The following NAV1 variants were observed in gnomAD, a reference collection of about 807,000 sequenced individuals.
NAV1 encodes the protein neuron navigator 1.
A neutral mutation model predicts 175.2 loss-of-function variants in NAV1; 18 were observed. The ratio of observed to expected loss-of-function variants is 0.10; its 90% CI spans 0.07 to 0.15. NAV1 has a LOEUF of 0.15. NAV1 is among the 10% of genes least tolerant of loss of function. The pLI, the probability that NAV1 is intolerant of heterozygous loss-of-function variation, is 1.00. For missense variants in NAV1, 1,731 were observed against 2,436.6 expected (o/e 0.71, Z 6.10); for synonymous variants, 897 against 978.7 (o/e 0.92, Z 1.56).
At chr1:201,819,892 G>A (rs998563128) in exon 30 of NAV1, 12 of 1,613,994 alleles carry the variant, frequency 7.4e-6, no homozygotes, top group African/African-American at 5.3e-5. Context: ...TCTCCAGATC[G>A]AGAAACCATC....
chr1:201,784,569 A>ATTTTT (rs35341000), intron 7 of NAV1, among the ~76,000 whole-genome samples: 1 of 136,848 alleles, frequency 7.3e-6, no homozygotes, highest in African/African-American at 2.8e-5. Flanking sequence ...AATACGATCT[A>ATTTTT]TTTTTTTTTT....
At chr1:201,608,126 A>C (rs1667741456) in intron 2 of NAV1, among the ~76,000 whole-genome samples, 1 of 152,152 alleles carries the variant, frequency 6.6e-6, no homozygotes, top group Non-Finnish European at 1.5e-5. Context: ...CATTCTCCAC[A>C]CATTATTTTT....
At chr1:201,590,159 C>G (rs890041469) in intron 2 of NAV1, among the ~76,000 whole-genome samples, 2 of 152,210 alleles carry the variant, frequency 1.3e-5, no homozygotes, top group African/African-American at 4.8e-5. Context: ...TCCCAAAGTA[C>G]TGGGATTACA....
chr1:201,783,284 GAT>G (rs1207597278), intron 6 of NAV1, 120 bp from the exon 11 acceptor site: 2 of 1,010,068 alleles, frequency 2.0e-6, no homozygotes, highest in East Asian at 4.8e-5. Context: ...ACAGCATTAG[GAT>G]AAGCCTCTGT....
intron 2 of NAV1, among the ~76,000 whole-genome samples, chr1:201,639,028 A>C (rs1668680167): frequency 1.3e-5 from 2 of 152,210 alleles, no homozygotes; most frequent in South Asian, 4.1e-4. Context: ...GCGATGGGGT[A>C]GTCATAAGGC....
At chr1:201,650,808 A>C (rs1259118149) in intron 1 of NAV1, among the ~76,000 whole-genome samples, 1 of 152,140 alleles carries the variant, frequency 6.6e-6, no homozygotes, top group Non-Finnish European at 1.5e-5. Flanking sequence ...AGGAGACTGG[A>C]CAAGGGCAAA....
At position 201,782,331 on chromosome 1, in the gene NAV1, TACAAGAAGCCTCCTCCTG is replaced by T; in HGVS notation, c.1820_1837del (p.Tyr607_Ala613delinsSer). The T allele has an allele frequency of 6.2e-7, 1 of 1,614,184 alleles. No homozygotes were observed. The highest frequency in any genetic ancestry group is 8.5e-7 in the Non-Finnish European group (1 of 1,180,034). On this transcript the variant is annotated inframe_deletion, in exon 6 of 30. Coordinates refer to ENST00000367296, the Ensembl canonical transcript of NAV1. The surrounding 1 kb of genome is among the most constrained non-coding windows in gnomAD (Gnocchi z 5.4). ...CCCCTCCACTTCGGGATCCTTTGGCTACAAGAAGCCTCCTCCTGCCACAGGCACAGCCACTGTCATGCA... is the reference window on the plus strand; with the variant it reads ...CCCCTCCACTTCGGGATCCTTTGGCTCCACAGGCACAGCCACTGTCATGCA...
At chr1:201,698,948 T>C (rs1220488022) in intron 1 of NAV1, among the ~76,000 whole-genome samples, 1 of 152,204 alleles carries the variant, frequency 6.6e-6, no homozygotes, top group Non-Finnish European at 1.5e-5. Context: ...CCCAGAAACC[T>C]GAAGACGGGC....
At chr1:201,709,896 C>T (rs541877285) in intron 1 of NAV1, among the ~76,000 whole-genome samples, 3 of 151,974 alleles carry the variant, frequency 2.0e-5, no homozygotes, top group African/African-American at 7.2e-5. Context: ...AGCCTCCCAG[C>T]TCTCCAGAGA....
At chr1:201,732,597 G>A (rs1010768149) in intron 3 of NAV1, among the ~76,000 whole-genome samples, 1 of 152,200 alleles carries the variant, frequency 6.6e-6, no homozygotes, top group Admixed American at 6.5e-5. Context: ...TTTTCAGTTT[G>A]CTACTCACTA....
chr1:201,756,217 A>T (rs1674455461), intron 3 of NAV1, among the ~76,000 whole-genome samples: 1 of 152,104 alleles, frequency 6.6e-6, no homozygotes, highest in Non-Finnish European at 1.5e-5. Context: ...CAAGTAACAG[A>T]CTGAAAATTG....
At chr1:201,556,169 T>C (rs1294861255) in intron 1 of NAV1, among the ~76,000 whole-genome samples, 2 of 152,134 alleles carry the variant, frequency 1.3e-5, no homozygotes, top group Non-Finnish European at 2.9e-5. Context: ...CCTGTCACTT[T>C]AGAAGGCCAA....
Position 201,740,075 on chromosome 1 carries a change from A to G in NAV1, c.1226+21320A>G. 6.8e-7 allele frequency: 1 copy of G among 1,475,156 alleles called. No individual in the cohort carries two copies. The highest frequency in any genetic ancestry group is 2.8e-5 in the East Asian group (1 of 35,954). The allele number at this position is 1,475,156 out of a possible 1,614,324, so 91.4% of individuals were successfully genotyped here. A position where few individuals can be genotyped will look rare whatever the true frequency, so the allele number is the denominator to read the frequency against. On this transcript the variant is annotated intron_variant, in intron 3 of 29. Coordinates refer to ENST00000367296, the Ensembl canonical transcript of NAV1. This position sits in a 1 kb window ranked among gnomAD's most constrained non-coding sequence, Gnocchi z 4.7. ...CGGAAGAACGGTGAATTTCCCCCGC[A>G]GGTAAGCGCCCCCACCCCCCTGGCC... is the stretch of plus-strand genomic sequence containing the variant.
At chr1:201,642,556 T>TCTTTCTTTCTTTCTTTCTTTC (rs371076258) in intron 2 of NAV1, among the ~76,000 whole-genome samples, 1 of 123,962 alleles carries the variant, frequency 8.1e-6, no homozygotes, top group African/African-American at 3.4e-5. Context: ...TTTCTTTCTT[T>TCTTTCTTTCTTTCTTTCTTTC]TTTCCCTTTC....
chr1:201,547,906 G>C (rs1665715577), intron 1 of NAV1, among the ~76,000 whole-genome samples: 1 of 152,154 alleles, frequency 6.6e-6, no homozygotes, highest in African/African-American at 2.4e-5. Context: ...GCAATTCTCT[G>C]TCTCAGCCTT....
At chr1:201,710,443 G>A (rs969874629) in intron 1 of NAV1, among the ~76,000 whole-genome samples, 9 of 151,910 alleles carry the variant, frequency 5.9e-5, no homozygotes, top group African/African-American at 1.9e-4. Flanking sequence ...TGAGCCACCT[G>A]GCCAATTTTT....
rs541440337 is a variant in NAV1, at chr1:201,812,240, G to T, written c.5025-225G>T. On this transcript the variant is annotated intron_variant, in intron 26 of 29. Coordinates refer to ENST00000367296, the Ensembl canonical transcript of NAV1. This position sits in a 1 kb window ranked among gnomAD's most constrained non-coding sequence, Gnocchi z 4.6. ...TCTCTGCCCGCACACGCTGATCTGGGTCAGTGATGTCAGAAGGTTATCCGA... is the reference window on the plus strand; with the variant it reads ...TCTCTGCCCGCACACGCTGATCTGGTTCAGTGATGTCAGAAGGTTATCCGA... Among the ~76,000 whole-genome samples the T allele has an allele frequency of 3.3e-4, 50 of 152,320 alleles. No individual in the cohort carries two copies. The highest frequency in any genetic ancestry group is 5.4e-4 in the Non-Finnish European group (37 of 68,038).
Position 201,750,387 on chromosome 1 carries a change from G to A in NAV1, c.1227-30034G>A, listed in dbSNP as rs937337865. On this transcript the variant is annotated intron_variant, in intron 3 of 29. Coordinates refer to ENST00000367296, the Ensembl canonical transcript of NAV1. This position sits in a 1 kb window ranked among gnomAD's most constrained non-coding sequence, Gnocchi z 4.1. ...GAGTTGACCAAGTCAGGGTGGGGAG[G>A]GGAGGAAGAGGGGCAGGTGGACTTG... Among the ~76,000 whole-genome samples the A allele has an allele frequency of 2.2e-4, 33 of 152,054 alleles. No individual in the cohort carries two copies. The highest frequency in any genetic ancestry group is 8.0e-4 in the African/African-American group (33 of 41,404).
chr1:201,793,417 C>G (rs554662016), intron 13 of NAV1: 1 of 172,128 alleles, frequency 5.8e-6, no homozygotes, highest in African/African-American at 2.4e-5. Flanking sequence ...GGAGTTAAAC[C>G]AAAATAATAG....
Sources: gnomAD v4.1 joint callset for allele counts (sites outside exome capture counted in the v4.1 genomes callset) on GRCh38, gnomAD v4.1.1 for gene constraint, Gnocchi (gnomAD v3.1) non-coding constraint, MANE v1.5 for transcripts, NCBI Gene and HGNC (gene_info 2026-07-23, HGNC 2026-07-21) for gene names.